The following PPP1R15B variants were observed in gnomAD, a reference collection of about 807,000 sequenced individuals.
PPP1R15B encodes protein phosphatase 1 regulatory subunit 15B.
A neutral mutation model predicts 53.9 loss-of-function variants in PPP1R15B; 31 were observed. The ratio of observed to expected loss-of-function variants is 0.58; its 90% CI spans 0.43 to 0.78. PPP1R15B has a LOEUF of 0.78. PPP1R15B is among the 30% of genes least tolerant of loss of function. PPP1R15B has a pLI of 0.00. For missense variants in PPP1R15B, 928 were observed against 849.6 expected, an observed-to-expected ratio of 1.09 and a Z score of -1.15; for synonymous variants, 345 against 329.1, an observed-to-expected ratio of 1.05 and a Z score of -0.52.
At chr1:204,402,493 G>C (rs948844108), downstream of PPP1R15B, among the ~76,000 whole-genome samples, 3 of 152,102 alleles carry the variant, frequency 2.0e-5, no homozygotes, top group Non-Finnish European at 4.4e-5. Flanking sequence ...CTGCAGGCTT[G>C]AACTTCTGTG....
Position 204,410,045 on chromosome 1 carries a change from C to T in PPP1R15B, c.1367G>A (p.Gly456Asp). ...EDWDEEAEDD[G>D]FDSDSSLSDS... The stretch of plus-strand genomic sequence containing the variant: ...TGACAGTGAGCTATCACTATCAAAA[C>T]CATCATCCTCAGCTTCCTCATCCCA... The change falls in exon 1 of 2, where the codon GGT becomes GAT. Residue 456 changes from glycine to aspartate, a missense_variant. Physicochemically the swap from Gly to Asp is moderately conservative, Grantham distance 94 (BLOSUM62 -1). Transcript: ENST00000367188. The T allele has an allele frequency of 6.2e-7, 1 of 1,614,190 alleles. No individual in the cohort carries two copies. Among genetic ancestry groups the T allele is most frequent in the Non-Finnish European group, 8.5e-7 (1 of 1,180,034 alleles).
chr1:204,396,946 C>T (rs1268145704), downstream of PPP1R15B, among the ~76,000 whole-genome samples: 1 of 152,076 alleles, frequency 6.6e-6, no homozygotes, highest in East Asian at 1.9e-4. Context: ...GTAATCTCAA[C>T]ACTTTGGGAG....
In PPP1R15B at chr1:204,403,576, T is replaced by C. The variant is rs529389234; in HGVS notation, c.*2516A>G. 2 of 984,386 alleles carry C rather than the reference T, an allele frequency of 2.0e-6. No individual in the cohort carries two copies. The highest frequency in any genetic ancestry group is 5.3e-4 in the Middle Eastern group (1 of 1,904). The allele number at this position is 984,386 out of a possible 1,614,324, so 61.0% of individuals were successfully genotyped here. On this transcript the variant is annotated 3_prime_UTR_variant, in exon 2 of 2. Transcript: ENST00000367188. ...CAAAAATAAAATCTGATAGTTTTGA[T>C]TTCAAGTTAAAGATGAAGAAGTGTT...
chr1:204,404,455 A>C lies in PPP1R15B; in HGVS notation c.*1637T>G, dbSNP rs1277835990. 3.4e-6 allele frequency: 3 copies of C among 874,730 alleles called. No individual in the cohort carries two copies. Among genetic ancestry groups the C allele is most frequent in the African/African-American group, 3.6e-5 (2 of 54,796 alleles). The allele number at this position is 874,730 out of a possible 1,614,324, so 54.2% of individuals were successfully genotyped here. A position where few individuals can be genotyped will look rare whatever the true frequency, so the allele number is the denominator to read the frequency against. On this transcript the variant is annotated 3_prime_UTR_variant, in exon 2 of 2. Transcript: ENST00000367188. ...AGCCGAGATCGCGCCACTGCACTCC[A>C]AGCTGGGGGACCGAACGAGACTCTG...
rs750654278 is a variant in PPP1R15B, at chr1:204,406,180, T to C, written c.2054A>G (p.Tyr685Cys). Residue 685 changes from tyrosine (Y) to cysteine (C), a missense_variant, in exon 2 of 2, where the codon TAT becomes TGT. Transcript: ENST00000367188. ...TTCTCTGTGTTCAAATGTCAAGCAATATCCAATAGCATCTTCTGTTTCTTG... is the reference window on the plus strand; with the variant it reads ...TTCTCTGTGTTCAAATGTCAAGCAACATCCAATAGCATCTTCTGTTTCTTG... ...RIQETEDAIG[Y>C]CLTFEHRERM... 1.2e-6 allele frequency: 2 copies of C among 1,614,170 alleles called. No individual in the cohort carries two copies. The highest frequency in any genetic ancestry group is 2.2e-5 in the South Asian group (2 of 91,086).
chr1:204,396,858 A>T (rs1182278483), downstream of PPP1R15B, among the ~76,000 whole-genome samples: 1 of 152,224 alleles, frequency 6.6e-6, no homozygotes, highest in Non-Finnish European at 1.5e-5. Flanking sequence ...CAAGAGATCT[A>T]CTGTACGACA....
Position 204,405,265 on chromosome 1 carries a change from A to G in PPP1R15B, c.*827T>C. Reference sequence around the variant, plus strand: ...GATTATGATGTAATTATTACTTTCCAGAGTGTTTTGCAATAACTTCAACCT... The same window carrying G: ...GATTATGATGTAATTATTACTTTCCGGAGTGTTTTGCAATAACTTCAACCT... On this transcript the variant is annotated 3_prime_UTR_variant, in exon 2 of 2. Transcript: ENST00000367188. The G allele has an allele frequency of 1.0e-6, 1 of 978,828 alleles. No homozygotes were observed. The highest frequency in any genetic ancestry group is 1.2e-6 in the Non-Finnish European group (1 of 823,568). 60.6% of individuals were successfully genotyped at this position (978,828 alleles called of 1,614,324 possible). A position where few individuals can be genotyped will look rare whatever the true frequency, so the allele number is the denominator to read the frequency against.
rs1037721795 is a variant in PPP1R15B, at chr1:204,410,002, T to C, written c.1410A>G (p.Gln470=). The change falls in exon 1 of 2, where the codon CAA becomes CAG. Residue 470 remains glutamine (Q), a synonymous_variant. Transcript: ENST00000367188. ...TCCAAAGGTGAAGCCCTTCAGGGTC[T>C]TGTTCAAGGTCTGAGTCTGACAGTG... is the stretch of plus-strand genomic sequence containing the variant. ...DSSLSDSDLE[Q]DPEGLHLWNS... 2.5e-6 allele frequency: 4 copies of C among 1,614,102 alleles called. No individual in the cohort carries two copies. The highest frequency in any genetic ancestry group is 2.7e-5 in the African/African-American group (2 of 74,938).
downstream of PPP1R15B, among the ~76,000 whole-genome samples, chr1:204,397,310 A>C (rs1674111560): frequency 1.3e-5 from 2 of 152,296 alleles, no homozygotes; most frequent in South Asian, 4.1e-4. Context: ...AGATCACCTG[A>C]GCTCAGGAGT....
downstream of PPP1R15B, chr1:204,400,689 T>C: frequency 1.1e-6 from 1 of 919,914 alleles, no homozygotes; most frequent in Non-Finnish European, 1.3e-6. Context: ...GTGAGCTCTG[T>C]AGAAAAGTCA....
chr1:204,405,632 A>C lies in PPP1R15B; in HGVS notation c.*460T>G. 1.0e-6 allele frequency: 1 copy of C among 983,094 alleles called. No homozygotes were observed. Among genetic ancestry groups the C allele is most frequent in the South Asian group, 4.7e-5 (1 of 21,296 alleles). 60.9% of individuals were successfully genotyped at this position (983,094 alleles called of 1,614,324 possible). A position where few individuals can be genotyped will look rare whatever the true frequency, so the allele number is the denominator to read the frequency against. ...CAAATCATTGAAATAAAAAAAATATAGAAAAACATAAAAGCCCATTAACTT... is the reference window on the plus strand; with the variant it reads ...CAAATCATTGAAATAAAAAAAATATCGAAAAACATAAAAGCCCATTAACTT... On this transcript the variant is annotated 3_prime_UTR_variant, in exon 2 of 2. Coordinates refer to ENST00000367188, the MANE Select transcript of PPP1R15B (RefSeq NM_032833.5).
In PPP1R15B at chr1:204,403,404, T is replaced by A; in HGVS notation, c.*2688A>T. 1.4e-6 allele frequency: 1 copy of A among 704,534 alleles called. No homozygotes were observed. Among genetic ancestry groups the A allele is most frequent in the Non-Finnish European group, 1.7e-6 (1 of 573,816 alleles). 43.6% of individuals were successfully genotyped at this position (704,534 alleles called of 1,614,324 possible). Reference sequence around the variant, plus strand: ...ACTTAACATTTAATAATTGCAAATATATTTATTACAATTTACAGATTAGTT... The same window carrying A: ...ACTTAACATTTAATAATTGCAAATAAATTTATTACAATTTACAGATTAGTT... On this transcript the variant is annotated 3_prime_UTR_variant, in exon 2 of 2. Transcript: ENST00000367188.
Position 204,405,757 on chromosome 1 carries a change from T to A in PPP1R15B, c.*335A>T. On this transcript the variant is annotated 3_prime_UTR_variant, in exon 2 of 2. Transcript: ENST00000367188. The stretch of plus-strand genomic sequence containing the variant: ...AATGGGCTTTAAGCCCTATAAATAT[T>A]GTTTTCCAAGAAAATAAGTTTTGAA... 2.9e-6 allele frequency: 3 copies of A among 1,032,190 alleles called. No homozygotes were observed. Among genetic ancestry groups the A allele is most frequent in the Non-Finnish European group, 3.5e-6 (3 of 857,892 alleles). The allele number at this position is 1,032,190 out of a possible 1,614,324, so 63.9% of individuals were successfully genotyped here. A position where few individuals can be genotyped will look rare whatever the true frequency, so the allele number is the denominator to read the frequency against.
At chr1:204,398,952 C>A (rs544716126), downstream of PPP1R15B, among the ~76,000 whole-genome samples, 3 of 152,250 alleles carry the variant, frequency 2.0e-5, no homozygotes, top group Non-Finnish European at 2.9e-5. Context: ...GTATACCTAG[C>A]CAAATTGAAA....
rs762370260 is a variant in PPP1R15B, at chr1:204,410,853, G to A, written c.559C>T (p.Pro187Ser). 10 of 1,614,198 alleles carry A rather than the reference G, an allele frequency of 6.2e-6. No individual in the cohort carries two copies. The highest frequency in any genetic ancestry group is 8.5e-6 in the Non-Finnish European group (10 of 1,180,044). The change falls in exon 1 of 2, where the codon CCC (proline) becomes TCC (serine). Residue 187 changes from proline to serine, a missense_variant. Transcript: ENST00000367188. The stretch of plus-strand genomic sequence containing the variant: ...TACAGACGGGATTGAAGGCTACTGG[G>A]CAACAGCTCCACTCCCCACAGCTGC... The part of the protein sequence containing the change: ...EQQLWGVELL[P>S]SSLQSRLYSN...
At position 204,406,108 on chromosome 1, in the gene PPP1R15B, A is replaced by ATGTCCTTTGAAG; in HGVS notation, c.2125_2126insCTTCAAAGGACA (p.Val709delinsAlaSerLysAspIle). 6.2e-7 allele frequency: 1 copy of ATGTCCTTTGAAG among 1,614,130 alleles called. No homozygotes were observed. Among genetic ancestry groups the ATGTCCTTTGAAG allele is most frequent in the South Asian group, 1.1e-5 (1 of 91,086 alleles). On this transcript the variant is annotated protein_altering_variant, in exon 2 of 2. Coordinates refer to ENST00000367188, the MANE Select transcript of PPP1R15B (RefSeq NM_032833.5). ...GCTGCCAACTCAACATTGCTTGAGA[A>ATGTCCTTTGAAG]CATTAAGTCCTTTGAAGCATGTTCC...
rs1353181149 is a variant in PPP1R15B, at chr1:204,410,035, A to G, written c.1377T>C (p.Ser459=). The change falls in exon 1 of 2, where the codon AGT becomes AGC. Residue 459 remains serine, a synonymous_variant. Transcript: ENST00000367188. ...GGTCTGAGTCTGACAGTGAGCTATC[A>G]CTATCAAAACCATCATCCTCAGCTT... ...DEEAEDDGFD[S]DSSLSDSDLE... is the part of the protein sequence containing the mutation. 6.2e-7 allele frequency: 1 copy of G among 1,614,076 alleles called. No homozygotes were observed. The highest frequency in any genetic ancestry group is 1.3e-5 in the African/African-American group (1 of 74,944).
downstream of PPP1R15B, among the ~76,000 whole-genome samples, chr1:204,398,250 G>A (rs1041581241): frequency 2.0e-5 from 3 of 152,218 alleles, no homozygotes; most frequent in Non-Finnish European, 4.4e-5. Context: ...GCCCCAGGCA[G>A]TAGGATCTCT....
In PPP1R15B at chr1:204,411,405, G is replaced by A. The variant is rs780798981; in HGVS notation, c.7C>T (p.Pro3Ser). 6.2e-6 allele frequency: 10 copies of A among 1,611,494 alleles called. No individual in the cohort carries two copies. Among genetic ancestry groups the A allele is most frequent in the South Asian group, 1.1e-5 (1 of 90,992 alleles). ...CGTTTCCGCGATCCGCCTGTCCCCG[G>A]CTCCATCTCCTTTTTCTTGACAGTC... MEPGTGGSRKRLG... is the reference protein window; with the variant it reads MESGTGGSRKRLG... The change falls in exon 1 of 2, where the codon CCG becomes TCG. Residue 3 changes from proline (P) to serine (S), a missense_variant. Pro to Ser is a moderately conservative substitution (Grantham distance 74). Transcript: ENST00000367188.
Sources: gnomAD v4.1 joint callset for allele counts (sites outside exome capture counted in the v4.1 genomes callset) on GRCh38, gnomAD v4.1.1 for gene constraint, MANE v1.5 for transcripts, NCBI Gene and HGNC (gene_info 2026-07-23, HGNC 2026-07-21) for gene names.